The following SGPP2 variants were observed in gnomAD, a reference collection of about 807,000 sequenced individuals.
SGPP2 encodes the protein sphingosine-1-phosphate phosphatase 2.
In SGPP2, 30 loss-of-function variants were observed where a neutral mutation model predicts 33.9. The observed-to-expected ratio is 0.89, with a 90% CI of 0.66 to 1.20. The LOEUF (loss-of-function observed/expected upper bound fraction) is 1.20, where lower values mean the gene tolerates loss of function less well. Among genes scored for constraint, SGPP2 ranks in the 50% most tolerant of loss-of-function variants. The pLI, the probability that SGPP2 is intolerant of heterozygous loss-of-function variation, is 0.00. For synonymous variants in SGPP2, 233 were observed against 225.0 expected (o/e 1.04, Z -0.32); for missense variants, 458 against 532.1 (o/e 0.86, Z 1.37).
intron 2 of SGPP2, among the ~76,000 whole-genome samples, chr2:222,502,236 T>C (rs1015833565): frequency 6.6e-6 from 1 of 152,194 alleles, no homozygotes; most frequent in African/African-American, 2.4e-5. Context: ...GTTTATAATT[T>C]AGATTTAAAC....
chr2:222,506,290 T>G (rs1698444113), intron 2 of SGPP2, among the ~76,000 whole-genome samples: 1 of 152,222 alleles, frequency 6.6e-6, no homozygotes, highest in Non-Finnish European at 1.5e-5. Context: ...CACTGTAAAC[T>G]TTGAATAACA....
At chr2:222,439,984 A>T (rs146162694) in intron 1 of SGPP2, among the ~76,000 whole-genome samples, 38 of 152,280 alleles carry the variant, frequency 2.5e-4, no homozygotes, top group Non-Finnish European at 3.8e-4. Context: ...ATATGGGACA[A>T]CTCTCTACTA....
intron 1 of SGPP2, among the ~76,000 whole-genome samples, chr2:222,461,730 G>A (rs947199820): frequency 1.3e-5 from 2 of 151,988 alleles, no homozygotes; most frequent in Admixed American, 6.5e-5. Context: ...AGAATCTAAC[G>A]GGGCCACTGA....
At chr2:222,556,350 G>T (rs1689398795) in intron 4 of SGPP2, among the ~76,000 whole-genome samples, 1 of 151,948 alleles carries the variant, frequency 6.6e-6, no homozygotes, top group South Asian at 2.1e-4. Flanking sequence ...ATGGTGGAGG[G>T]GAACTGAAGT....
rs534371504 is a variant in SGPP2 at position 222,533,051 on chromosome 2, A to C, written c.648+8018A>C. Among the ~76,000 whole-genome samples the C allele has an allele frequency of 3.3e-5, 5 of 152,296 alleles. No individual in the cohort carries two copies. In the East Asian group the frequency reaches 9.7e-4, roughly 29 times the overall value. On this transcript the variant is annotated intron_variant, in intron 4 of 4. Coordinates refer to ENST00000321276, the MANE Select transcript of SGPP2 (RefSeq NM_152386.4). ...TCTATGTGAAGTGATAATTTATGAA[A>C]ACAGTTTTTTGGTGTATAATTTCAT...
intron 2 of SGPP2, among the ~76,000 whole-genome samples, chr2:222,507,114 C>A (rs1451727709): frequency 1.3e-5 from 2 of 152,022 alleles, no homozygotes; most frequent in Non-Finnish European, 2.9e-5. Context: ...AAGAACTAGT[C>A]ATTAATAAAG....
At chr2:222,514,804 G>A (rs1484545592) in intron 2 of SGPP2, among the ~76,000 whole-genome samples, 1 of 152,110 alleles carries the variant, frequency 6.6e-6, no homozygotes, top group East Asian at 1.9e-4. Context: ...TGCCAATAGT[G>A]ACTGCAATCA....
intron 2 of SGPP2, among the ~76,000 whole-genome samples, chr2:222,485,772 AC>A (rs1698096756): frequency 1.3e-5 from 2 of 152,068 alleles, no homozygotes; most frequent in Admixed American, 1.3e-4. Flanking sequence ...GGAGCCTCCA[AC>A]TCCTCACCAG....
Position 222,525,177 on chromosome 2 carries a change from T to G in SGPP2, c.648+144T>G, listed in dbSNP as rs1326411836. On this transcript the variant is annotated intron_variant, in intron 4 of 4. Coordinates refer to ENST00000321276, the MANE Select transcript of SGPP2 (RefSeq NM_152386.4). ...ATCATGCCAATGCATTAAGTAATTA[T>G]TATGTTCGGGTGCATGTATGATAAT... The G allele has an allele frequency of 9.6e-6, 6 of 624,894 alleles. No homozygotes were observed. The African/African-American group carries it at 1.1e-4, about 12-fold the overall frequency. 38.7% of individuals were successfully genotyped at this position (624,894 alleles called of 1,614,324 possible). A position where few individuals can be genotyped will look rare whatever the true frequency, so the allele number is the denominator to read the frequency against.
chr2:222,447,856 G>GT (rs1462592143), intron 1 of SGPP2, among the ~76,000 whole-genome samples: 2 of 151,754 alleles, frequency 1.3e-5, no homozygotes, highest in African/African-American at 4.8e-5. Context: ...AGTGAAGGAG[G>GT]TAAAAAAAAA....
chr2:222,514,415 C>T (rs1322576024), intron 2 of SGPP2, among the ~76,000 whole-genome samples: 1 of 152,174 alleles, frequency 6.6e-6, no homozygotes, highest in Admixed American at 6.5e-5. Flanking sequence ...CTAGGCTGGT[C>T]TCAAATTCCT....
chr2:222,538,350 G>T (rs536047072), intron 4 of SGPP2, among the ~76,000 whole-genome samples: 1 of 152,234 alleles, frequency 6.6e-6, no homozygotes, highest in African/African-American at 2.4e-5. Flanking sequence ...AAAGGGAGAG[G>T]AAGAGAGACA....
At chr2:222,474,355 T>C (rs1408183914) in intron 1 of SGPP2, among the ~76,000 whole-genome samples, 1 of 152,232 alleles carries the variant, frequency 6.6e-6, no homozygotes, top group Non-Finnish European at 1.5e-5. Context: ...GTCTTGGATA[T>C]TGCTTATTTA....
intron 1 of SGPP2, among the ~76,000 whole-genome samples, chr2:222,444,998 G>A (rs369476281): frequency 3.3e-5 from 5 of 152,148 alleles, no homozygotes; most frequent in Non-Finnish European, 7.4e-5. Context: ...ACCAGACCCC[G>A]ACCCAGGAGA....
intron 1 of SGPP2, among the ~76,000 whole-genome samples, chr2:222,462,101 G>T (rs943941015): frequency 2.0e-5 from 3 of 152,052 alleles, no homozygotes; most frequent in Non-Finnish European, 4.4e-5. Flanking sequence ...TAAAGCGTAT[G>T]CTTGAAGCTT....
intron 1 of SGPP2, among the ~76,000 whole-genome samples, chr2:222,470,753 T>G (rs1559152985): frequency 6.6e-6 from 1 of 152,226 alleles, no homozygotes. Flanking sequence ...CTTGTAAAGC[T>G]TCAAGGCTGG....
At chr2:222,530,379 A>C (rs911711389) in intron 4 of SGPP2, among the ~76,000 whole-genome samples, 1 of 152,260 alleles carries the variant, frequency 6.6e-6, no homozygotes, top group Admixed American at 6.5e-5. Flanking sequence ...TGTTTTATCT[A>C]CATTAAAACG....
At chr2:222,535,988 C>T (rs1385221745) in intron 4 of SGPP2, among the ~76,000 whole-genome samples, 1 of 152,158 alleles carries the variant, frequency 6.6e-6, no homozygotes, top group African/African-American at 2.4e-5. Flanking sequence ...AAAAAGCAGC[C>T]ACATTTAGGG....
At chr2:222,520,269 T>C (rs1698663089) in intron 2 of SGPP2, among the ~76,000 whole-genome samples, 1 of 152,188 alleles carries the variant, frequency 6.6e-6, no homozygotes. Context: ...TGATGATTTG[T>C]GATGCTGAGC....
Sources: gnomAD v4.1 joint callset for allele counts (sites outside exome capture counted in the v4.1 genomes callset) on GRCh38, gnomAD v4.1.1 for gene constraint, MANE v1.5 for transcripts, NCBI Gene and HGNC (gene_info 2026-07-23, HGNC 2026-07-21) for gene names.